Variants in DGKB observed in about 807,000 individuals in gnomAD.
The protein encoded by DGKB is diacylglycerol kinase beta, also known as 90 kDa diacylglycerol kinase.
In DGKB, 67 loss-of-function variants were observed where a neutral mutation model predicts 114.3. The ratio of observed to expected loss-of-function variants is 0.59; its 90% CI spans 0.48 to 0.72. DGKB has a LOEUF of 0.72. Among genes scored for constraint, DGKB ranks in the 30% least tolerant of loss-of-function variants. The pLI is 0.00. For missense variants in DGKB, 907 were observed against 975.2 expected (o/e 0.93, Z 0.93); for synonymous variants, 398 against 323.1 (o/e 1.23, Z -2.49).
chr7:14,434,156 C>A (rs540517484), intron 21 of DGKB, among the ~76,000 whole-genome samples: 2 of 152,224 alleles, frequency 1.3e-5, no homozygotes, highest in Admixed American at 1.3e-4. Flanking sequence ...GGGATGAAGA[C>A]AAATTAAGAT....
At chr7:14,337,031 A>G (rs1279811103) in intron 23 of DGKB, among the ~76,000 whole-genome samples, 1 of 152,206 alleles carries the variant, frequency 6.6e-6, no homozygotes, top group African/African-American at 2.4e-5. Context: ...CAAGGAGTAC[A>G]TACGTAGTAC....
rs556235173 is a variant in DGKB at position 14,668,211 on chromosome 7, T to G, written c.1134+4718A>C. Reference sequence around the variant, plus strand: ...TGGGACAATCCTAGAATAAAATTTGTGAGGCTGGTATACAAGACAGTCACA... The same window carrying G: ...TGGGACAATCCTAGAATAAAATTTGGGAGGCTGGTATACAAGACAGTCACA... On this transcript the variant is annotated intron_variant, in intron 13 of 25. Coordinates refer to ENST00000402815, the MANE Select transcript of DGKB (RefSeq NM_001350709.2). Among the ~76,000 whole-genome samples, 4 of 152,196 alleles carry G rather than the reference T, an allele frequency of 2.6e-5. No homozygotes were observed. In the East Asian group the frequency reaches 7.7e-4, roughly 29 times the overall value.
intron 1 of DGKB, among the ~76,000 whole-genome samples, chr7:14,960,723 G>T (rs1161464584): frequency 3.9e-5 from 6 of 151,992 alleles, no homozygotes; most frequent in Admixed American, 3.9e-4. Flanking sequence ...GTCAATCTGT[G>T]TTATTATTAC....
intron 17 of DGKB, among the ~76,000 whole-genome samples, chr7:14,600,248 C>T (rs538572016): frequency 6.6e-5 from 10 of 152,268 alleles, no homozygotes; most frequent in Admixed American, 1.3e-4. Flanking sequence ...ATTGATCCAA[C>T]TCATGAGGGT....
intron 1 of DGKB, among the ~76,000 whole-genome samples, chr7:14,893,513 G>A (rs1334614970): frequency 6.6e-6 from 1 of 150,938 alleles, no homozygotes; most frequent in East Asian, 1.9e-4. Context: ...TTCACTCTAC[G>A]TTCTCTTCCC....
At chr7:14,359,338 A>T (rs534032213) in intron 21 of DGKB, among the ~76,000 whole-genome samples, 1 of 152,266 alleles carries the variant, frequency 6.6e-6, no homozygotes, top group South Asian at 2.1e-4. Context: ...TAAAGACTTA[A>T]ATGTTAGACC....
intron 23 of DGKB, among the ~76,000 whole-genome samples, chr7:14,259,336 T>A (rs1156512057): frequency 6.6e-6 from 1 of 151,912 alleles, no homozygotes; most frequent in Non-Finnish European, 1.5e-5. Context: ...AATTAAATCT[T>A]TCGTGTTCAT....
intron 2 of DGKB, among the ~76,000 whole-genome samples, chr7:14,775,402 G>A (rs1002439978): frequency 8.6e-5 from 13 of 151,184 alleles, no homozygotes; most frequent in Admixed American, 2.6e-4. Flanking sequence ...TGTCCCCACC[G>A]AAATCTCATC....
chr7:14,763,197 G>A (rs1201122387), intron 2 of DGKB, among the ~76,000 whole-genome samples: 1 of 151,986 alleles, frequency 6.6e-6, no homozygotes, highest in Non-Finnish European at 1.5e-5. Context: ...GTTGAGTGAA[G>A]TTCAACATAA....
At chr7:14,519,240 T>G (rs928311965) in intron 20 of DGKB, among the ~76,000 whole-genome samples, 6 of 152,044 alleles carry the variant, frequency 3.9e-5, no homozygotes, top group African/African-American at 1.2e-4. Context: ...CAAATCTGTT[T>G]GCAATCAATC....
chr7:14,614,147 C>A (rs1011524909), intron 15 of DGKB, among the ~76,000 whole-genome samples: 3 of 152,072 alleles, frequency 2.0e-5, no homozygotes, highest in African/African-American at 7.2e-5. Flanking sequence ...CCTAATGGAG[C>A]TTATATTATA....
chr7:14,799,763 A>C (rs1395521582), intron 2 of DGKB, among the ~76,000 whole-genome samples: 1 of 152,198 alleles, frequency 6.6e-6, no homozygotes, highest in African/African-American at 2.4e-5. Flanking sequence ...GCTTTGCAGC[A>C]AGTACAGGCT....
intron 13 of DGKB, among the ~76,000 whole-genome samples, chr7:14,641,497 GAAAA>G (rs71004321): frequency 4.7e-5 from 7 of 147,412 alleles, no homozygotes; most frequent in Non-Finnish European, 1.0e-4. Context: ...TCTCATTTTG[GAAAA>G]AAAAAAAAGG....
intron 5 of DGKB, among the ~76,000 whole-genome samples, chr7:14,725,674 G>A (rs1163971148): frequency 4.6e-5 from 7 of 151,672 alleles, no homozygotes; most frequent in African/African-American, 1.7e-4. Flanking sequence ...CAGCCTCCAA[G>A]AAGCTGGAAT....
intron 14 of DGKB, among the ~76,000 whole-genome samples, chr7:14,622,639 T>G (rs1176612535): frequency 6.6e-6 from 1 of 152,154 alleles, no homozygotes; most frequent in East Asian, 1.9e-4. Context: ...TTACATGGCT[T>G]AAACATCCAT....
intron 1 of DGKB, among the ~76,000 whole-genome samples, chr7:14,911,394 ATAAT>A (rs537404468): frequency 7.2e-5 from 11 of 152,088 alleles, no homozygotes; most frequent in Admixed American, 3.3e-4. Context: ...TGGGCTTAGG[ATAAT>A]TAATTATACA....
At chr7:14,546,400 C>T (rs1165962489) in intron 20 of DGKB, among the ~76,000 whole-genome samples, 1 of 152,092 alleles carries the variant, frequency 6.6e-6, no homozygotes, top group African/African-American at 2.4e-5. Context: ...CCTCTTCTTT[C>T]GCGTGACTGT....
At position 14,720,795 on chromosome 7, in the gene DGKB, T is replaced by C. The variant is rs150717106; in HGVS notation, c.323-2110A>G. 1.8e-3 allele frequency among the ~76,000 whole-genome samples: 265 copies of C among 149,932 alleles called. 2 individuals are homozygous for C. Among genetic ancestry groups the C allele is most frequent in the African/African-American group, 6.0e-3 (242 of 40,634 alleles). On this transcript the variant is annotated intron_variant, in intron 5 of 25. Coordinates refer to ENST00000402815, the MANE Select transcript of DGKB (RefSeq NM_001350709.2). ...GTATCAGTGTATGTCTAATACAAAC[T>C]AATAGTTATTTATGAACCAAAGAAG...
intron 6 of DGKB, among the ~76,000 whole-genome samples, chr7:14,707,163 C>T (rs1272442345): frequency 7.5e-6 from 1 of 133,008 alleles, no homozygotes; most frequent in Non-Finnish European, 1.6e-5. Context: ...GAAATACAAA[C>T]TACCATCAGA....
Sources: gnomAD v4.1 joint callset for allele counts (sites outside exome capture counted in the v4.1 genomes callset) on GRCh38, gnomAD v4.1.1 for gene constraint, MANE v1.5 for transcripts, NCBI Gene and HGNC (gene_info 2026-07-23, HGNC 2026-07-21) for gene names.